Variants in DALRD3 observed in about 807,000 individuals in gnomAD.
DALRD3 encodes DALR anticodon-binding domain-containing protein 3.
Under a neutral mutation model 56.7 loss-of-function variants are expected in DALRD3, and 47 were observed. The ratio of observed to expected loss-of-function variants is 0.83; its 90% confidence interval spans 0.66 to 1.06. The LOEUF (loss-of-function observed/expected upper bound fraction) is 1.06, where lower values mean the gene tolerates loss of function less well. DALRD3 is among the 50% of genes least tolerant of loss of function. The pLI is 0.00. For missense variants in DALRD3, 787 were observed against 724.0 expected (o/e 1.09, Z -1.00); for synonymous variants, 347 against 308.5 (o/e 1.12, Z -1.31).
At chr3:49,018,366 C>T (rs1275045178) in intron 1 of DALRD3, 34 bp downstream of exon 1, 1 of 1,528,040 alleles carries the variant, frequency 6.5e-7, no homozygotes, top group African/African-American at 1.4e-5. Flanking sequence ...GGGCCCATCT[C>T]CCGGCCGCAC....
At chr3:49,016,575 C>T (rs199627545) in intron 7 of DALRD3, 37 bp downstream of exon 7, 256 of 1,594,212 alleles carry the variant, frequency 1.6e-4, no homozygotes, top group South Asian at 3.4e-5. Context: ...AAAACCTGCC[C>T]CTAACCCAGA....
upstream of DALRD3, among the ~76,000 whole-genome samples, chr3:49,019,416 C>T (rs1416465638): frequency 6.6e-6 from 1 of 151,348 alleles, no homozygotes; most frequent in Non-Finnish European, 1.5e-5. Flanking sequence ...ATACAGTTGG[C>T]GGTTTTCTTC....
At position 49,016,409 on chromosome 3, in the gene DALRD3, T is replaced by C; in HGVS notation, c.1146+20A>G. The stretch of plus-strand genomic sequence containing the variant: ...ACACCCTGTGCCCCAACACTGGCCC[T>C]GTCAGGCTCCCAGGCTCACCTGACT... On this transcript the variant is annotated intron_variant, in intron 8 of 11. Coordinates refer to ENST00000341949, the MANE Select transcript of DALRD3 (RefSeq NM_001009996.3). The C allele has an allele frequency of 6.2e-7, 1 of 1,610,472 alleles. No individual in the cohort carries two copies. Among genetic ancestry groups the C allele is most frequent in the African/African-American group, 1.3e-5 (1 of 75,014 alleles).
At chr3:49,017,895 G>C (rs1166166307) in intron 2 of DALRD3, 26 bp from the exon 3 acceptor site, 1 of 1,582,986 alleles carries the variant, frequency 6.3e-7, no homozygotes, top group Non-Finnish European at 8.5e-7. Context: ...GGCCGCCTCA[G>C]TCTGAGCACC....
chr3:49,018,001 C>CCGGCCCCG lies in DALRD3; in HGVS notation c.461+14_461+21dup, dbSNP rs769822186. The CCGGCCCCG allele has an allele frequency of 4.1e-6, 6 of 1,476,650 alleles. No homozygotes were observed. The African/African-American group carries it at 5.6e-5, about 14-fold the overall frequency. 91.5% of individuals were successfully genotyped at this position (1,476,650 alleles called of 1,614,324 possible). On this transcript the variant is annotated intron_variant, in intron 2 of 11. Transcript: ENST00000341949. ...ACCCGGCAGTCCCACTTTCTCCATT[C>CCGGCCCCG]CGGCCCCGCGGCCCCGCTCACCCGT...
chr3:49,018,670 G>A (rs565220954), upstream of DALRD3: 17,986 of 1,430,332 alleles, frequency 0.013, 136 homozygotes, highest in Non-Finnish European at 0.015. Context: ...CCCCGTAAGT[G>A]GACAGGTGCG....
rs2093111767 is a variant in DALRD3 at position 49,018,065 on chromosome 3, A to G, written c.419T>C (p.Val140Ala). The G allele has an allele frequency of 2.0e-6, 3 of 1,491,764 alleles. No homozygotes were observed. The highest frequency in any genetic ancestry group is 2.7e-6 in the Non-Finnish European group (3 of 1,130,904). The allele number at this position is 1,491,764 out of a possible 1,614,324, so 92.4% of individuals were successfully genotyped here. A position where few individuals can be genotyped will look rare whatever the true frequency, so the allele number is the denominator to read the frequency against. ...TCGCGCCAGGTGATCGGCCACGAGC[A>G]CCGTACGCAGCTGGCTCAAGCGGAG... ...CALRLSQLRT[V>A]LVADHLARAL... is the part of the protein sequence containing the mutation. The change falls in exon 2 of 12, where the codon GTG (valine) becomes GCG (alanine). Residue 140 changes from valine (V) to alanine (A), a missense_variant. Val to Ala is a moderately conservative substitution (Grantham distance 64). Transcript: ENST00000341949.
upstream of DALRD3, among the ~76,000 whole-genome samples, chr3:49,019,927 C>T (rs992515821): frequency 1.3e-5 from 2 of 152,378 alleles, no homozygotes; most frequent in African/African-American, 4.8e-5. Flanking sequence ...TCTTGCTCCT[C>T]TACCAATAGG....
At position 49,015,675 on chromosome 3, in the gene DALRD3, G is replaced by A. The variant is rs1244785819; in HGVS notation, c.1545C>T (p.Phe515=). ...EPRPHLFGQM[F]VRLQLLRAVR... ...CAGCTCTCAGAAGCTGCAGGCGGAC[G>A]AACATCTGACCAAAGAGGTGTGGTC... Residue 515 remains phenylalanine (F), a synonymous_variant, in exon 12 of 12, where the codon TTC becomes TTT. Transcript: ENST00000341949. The A allele has an allele frequency of 1.2e-5, 19 of 1,613,980 alleles. No individual in the cohort carries two copies. The highest frequency in any genetic ancestry group is 1.4e-5 in the Non-Finnish European group (17 of 1,180,030).
intron 9 of DALRD3, 33 bp downstream of exon 9, chr3:49,016,125 C>G (rs781511354): frequency 6.2e-7 from 1 of 1,610,808 alleles, no homozygotes; most frequent in East Asian, 2.2e-5. Flanking sequence ...AAGTCCAGGC[C>G]TCCTTGTGCC....
Position 49,016,450 on chromosome 3 carries a change from C to A in DALRD3, c.1125G>T (p.Leu375=). Residue 375 remains leucine (L), a synonymous_variant, in exon 8 of 12, where the codon CTG becomes CTT. Coordinates refer to ENST00000341949, the MANE Select transcript of DALRD3 (RefSeq NM_001009996.3). ...TCACCTGACTCTGTGGGGCTGTGCT[C>A]AGCATCTCAAACTTGATGGTGGCCA... The part of the protein sequence containing the change: ...LSVATIKFEM[L]STAPQSQLFL... 6.2e-7 allele frequency: 1 copy of A among 1,613,938 alleles called. No homozygotes were observed. The highest frequency in any genetic ancestry group is 1.1e-5 in the South Asian group (1 of 91,032).
rs200954716 is a variant in DALRD3, at chr3:49,016,767, C to T, written c.1001+7G>A. ...CTTAGGTTGGTGTTCCTCCCAGCCT[C>T]ACTCACTCGTAGTACTCAGGGGCAG... On this transcript the variant is annotated splice_region_variant and intron_variant, in intron 6 of 11. Coordinates refer to ENST00000341949, the MANE Select transcript of DALRD3 (RefSeq NM_001009996.3). 60 of 1,613,866 alleles carry T rather than the reference C, an allele frequency of 3.7e-5. No individual in the cohort carries two copies. The highest frequency in any genetic ancestry group is 1.7e-4 in the Admixed American group (10 of 60,004).
In DALRD3 at chr3:49,018,219, G is replaced by T. The variant is rs560044928; in HGVS notation, c.265C>A (p.Leu89Met). The change falls in exon 2 of 12, where the codon CTG becomes ATG. Residue 89 changes from leucine (L) to methionine (M), a missense_variant. Physicochemically the swap from Leu to Met is conservative, Grantham distance 15. Transcript: ENST00000341949. ...APTPAGLSLQ[L>M]QRSAVFERVL... ...CGCTCGAAGACGGCGGACCGCTGCAGTTGGAGAGACAGACCCGCGGGGGTC... is the reference window on the plus strand; with the variant it reads ...CGCTCGAAGACGGCGGACCGCTGCATTTGGAGAGACAGACCCGCGGGGGTC... The T allele has an allele frequency of 2.9e-5, 42 of 1,444,134 alleles. No homozygotes were observed. The highest frequency in any genetic ancestry group is 3.5e-5 in the Non-Finnish European group (39 of 1,108,514). 89.5% of individuals were successfully genotyped at this position (1,444,134 alleles called of 1,614,324 possible).
chr3:49,018,718 C>T (rs1377664844), upstream of DALRD3: 6 of 1,395,844 alleles, frequency 4.3e-6, no homozygotes, highest in South Asian at 3.2e-5. Flanking sequence ...GACCTACCGC[C>T]CCCAGCGCCC....
Position 49,015,524 on chromosome 3 carries a change from GTTTTTGC to G in DALRD3, c.*57_*63del. The G allele has an allele frequency of 1.9e-6, 3 of 1,601,214 alleles. No individual in the cohort carries two copies. Among genetic ancestry groups the G allele is most frequent in the Non-Finnish European group, 2.6e-6 (3 of 1,172,292 alleles). ...CAGTACCAATTTATTTTGGCCGTGGGTTTTTGCTTTTTTTCCAGTTGATGACTTTGTG... is the reference window on the plus strand; with the variant it reads ...CAGTACCAATTTATTTTGGCCGTGGGTTTTTTTCCAGTTGATGACTTTGTG... On this transcript the variant is annotated 3_prime_UTR_variant, in exon 12 of 12. Coordinates refer to ENST00000341949, the MANE Select transcript of DALRD3 (RefSeq NM_001009996.3).
chr3:49,017,327 G>A lies in DALRD3; in HGVS notation c.828C>T (p.Gly276=). The A allele has an allele frequency of 6.2e-7, 1 of 1,614,224 alleles. No individual in the cohort carries two copies. The highest frequency in any genetic ancestry group is 8.5e-7 in the Non-Finnish European group (1 of 1,180,050). The change falls in exon 5 of 12, where the codon GGC becomes GGT. Residue 276 remains glycine (G), a synonymous_variant. Transcript: ENST00000341949. ...LAGASDTGTG[G]CLVVHVVSCE... ...AGCTAACAACATGTACAACCAGGCA[G>A]CCGCCTGTACCAGTATCTGAGGCCC...
At position 49,018,314 on chromosome 3, in the gene DALRD3, G is replaced by A; in HGVS notation, c.170C>T (p.Pro57Leu). 8 of 1,476,528 alleles carry A rather than the reference G, an allele frequency of 5.4e-6. No individual in the cohort carries two copies. The highest frequency in any genetic ancestry group is 7.1e-6 in the Non-Finnish European group (8 of 1,120,282). The allele number at this position is 1,476,528 out of a possible 1,614,324, so 91.5% of individuals were successfully genotyped here. The change falls in exon 2 of 12, where the codon CCG becomes CTG. Residue 57 changes from proline (P) to leucine (L), a missense_variant. Pro to Leu is a moderately conservative substitution (Grantham distance 98). Coordinates refer to ENST00000341949, the MANE Select transcript of DALRD3 (RefSeq NM_001009996.3). ...GGCGAGGGCATGGAGCAAATGCTCCGGAACCTGCGGGAGAACGGGCGTGTA... is the reference window on the plus strand; with the variant it reads ...GGCGAGGGCATGGAGCAAATGCTCCAGAACCTGCGGGAGAACGGGCGTGTA... ...LQARFDDGQV[P>L]EHLLHALACL...
At chr3:49,021,349 AGACGGGG>A (rs1169621800), upstream of DALRD3, 1 of 152,416 alleles carries the variant, frequency 6.6e-6, no homozygotes, top group Non-Finnish European at 1.5e-5. The surrounding 1 kb of genome is among the most constrained non-coding windows in gnomAD (Gnocchi z 4.1). Flanking sequence ...ACTTGGATCA[AGACGGGG>A]GACGGGGGAC....
chr3:49,020,063 TC>T (rs1442058929), upstream of DALRD3: 1 of 514,594 alleles, frequency 1.9e-6, no homozygotes, highest in Admixed American at 2.0e-5. Context: ...AGTTGGGAAA[TC>T]CGGAGAGCAG....
Sources: gnomAD v4.1 joint callset for allele counts (sites outside exome capture counted in the v4.1 genomes callset) on GRCh38, gnomAD v4.1.1 for gene constraint, Gnocchi (gnomAD v3.1) non-coding constraint, MANE v1.5 for transcripts, NCBI Gene and HGNC (gene_info 2026-07-23, HGNC 2026-07-21) for gene names.